Variants in XRCC1 observed in about 807,000 individuals in gnomAD.
XRCC1 encodes DNA repair protein XRCC1.
Under a neutral mutation model 83.3 loss-of-function variants are expected in XRCC1, and 52 were observed. The ratio of observed to expected loss-of-function variants is 0.62; its 90% CI spans 0.50 to 0.79. XRCC1 has a LOEUF of 0.79. Among genes scored for constraint, XRCC1 ranks in the 30% least tolerant of loss-of-function variants. The pLI is 0.00. For missense variants in XRCC1, 793 were observed against 823.5 expected (o/e 0.96, Z 0.45); for synonymous variants, 281 against 312.6 (o/e 0.90, Z 1.07).
intron 2 of XRCC1, among the ~76,000 whole-genome samples, chr19:43,569,865 G>A (rs575529211): frequency 1.3e-5 from 2 of 152,216 alleles, no homozygotes; most frequent in East Asian, 3.9e-4. Context: ...AGGGAAGCCA[G>A]ATAAGAAAAG....
chr19:43,572,436 A>T (rs969265961), intron 2 of XRCC1, among the ~76,000 whole-genome samples: 6 of 152,224 alleles, frequency 3.9e-5, no homozygotes, highest in African/African-American at 1.4e-4. Flanking sequence ...GAGGTCACCG[A>T]TTAAGAGGAA....
rs1008915150 is a variant in XRCC1 at position 43,551,699 on chromosome 19, C to A, written c.1083-12G>T. ...TGGCAAAGGCACAGCTGGTGGGGGGCAGAAGTGAAGATGCCAGTTAGGTGT... is the reference window on the plus strand; with the variant it reads ...TGGCAAAGGCACAGCTGGTGGGGGGAAGAAGTGAAGATGCCAGTTAGGTGT... On this transcript the variant is annotated splice_polypyrimidine_tract_variant and intron_variant, in intron 9 of 16. Coordinates refer to ENST00000262887, the MANE Select transcript of XRCC1 (RefSeq NM_006297.3). The A allele has an allele frequency of 6.2e-7, 1 of 1,609,280 alleles. No individual in the cohort carries two copies. Among genetic ancestry groups the A allele is most frequent in the Non-Finnish European group, 8.5e-7 (1 of 1,176,166 alleles).
In XRCC1 at chr19:43,543,467, G is replaced by C; in HGVS notation, c.1827C>G (p.Pro609=). 6.2e-7 allele frequency: 1 copy of C among 1,613,660 alleles called. No individual in the cohort carries two copies. ...TCTCATTGCAACTGTAGATCCATCG[G>C]GGACGAACGAATGCCAGGGAGGGGT... ...MDNPSLAFVR[P]RWIYSCNEKQ... Residue 609 remains proline, a synonymous_variant, in exon 17 of 17, where the codon CCC becomes CCG. Transcript: ENST00000262887.
intron 2 of XRCC1, among the ~76,000 whole-genome samples, chr19:43,573,010 G>A (rs1306221412): frequency 7.4e-6 from 1 of 135,764 alleles, no homozygotes; most frequent in Non-Finnish European, 1.5e-5. Flanking sequence ...ACAGTTCACT[G>A]CAGCTTCAAC....
At chr19:43,570,610 C>G (rs970325752) in intron 2 of XRCC1, among the ~76,000 whole-genome samples, 5 of 152,108 alleles carry the variant, frequency 3.3e-5, no homozygotes, top group African/African-American at 9.7e-5. Flanking sequence ...ATAGTGAGAC[C>G]CCATCTCTAC....
chr19:43,571,630 A>G (rs1010503254), intron 2 of XRCC1, among the ~76,000 whole-genome samples: 6 of 152,206 alleles, frequency 3.9e-5, no homozygotes, highest in African/African-American at 1.4e-4. Flanking sequence ...CAGCCTCTGG[A>G]GTAGCTGGGA....
At chr19:43,548,967 C>T (rs1179158801) in intron 10 of XRCC1, among the ~76,000 whole-genome samples, 1 of 151,980 alleles carries the variant, frequency 6.6e-6, no homozygotes, top group Non-Finnish European at 1.5e-5. Flanking sequence ...TATGCAGACA[C>T]AAATGAATGT....
At chr19:43,546,504 T>A (rs1972511945) in intron 12 of XRCC1, 91 bp downstream of exon 12, 7 of 1,427,048 alleles carry the variant, frequency 4.9e-6, no homozygotes, top group Non-Finnish European at 6.6e-6. Context: ...CCCCAGCCCC[T>A]CCTCCCTCAG....
intron 2 of XRCC1, 67 bp from the exon 3 acceptor site, chr19:43,561,087 G>A (rs750719711): frequency 5.6e-5 from 71 of 1,262,832 alleles, no homozygotes; most frequent in Non-Finnish European, 7.9e-5. Flanking sequence ...GGGACCTCAG[G>A]ATGAATCTCC....
In XRCC1 at chr19:43,552,968, T is replaced by G; in HGVS notation, c.711+14A>C. 6.2e-7 allele frequency: 1 copy of G among 1,606,554 alleles called. No individual in the cohort carries two copies. The highest frequency in any genetic ancestry group is 8.5e-7 in the Non-Finnish European group (1 of 1,176,904). ...TCTCTCCTCCTCCACCCCACCAAAG[T>G]CTGATGATTTCACCTTGGAGGTGCT... On this transcript the variant is annotated intron_variant, in intron 7 of 16. Coordinates refer to ENST00000262887, the MANE Select transcript of XRCC1 (RefSeq NM_006297.3).
Position 43,562,978 on chromosome 19 carries a change from T to TG in XRCC1, c.145-1959dup, listed in dbSNP as rs752665513. On this transcript the variant is annotated intron_variant, in intron 2 of 16. Transcript: ENST00000262887. ...AGTGGTTATGTAACTTCACAGCTGG[T>TG]GGGTGGCAAAGCCGGACCGGAACCC... Among the ~76,000 whole-genome samples, 34 of 152,280 alleles carry TG rather than the reference T, an allele frequency of 2.2e-4. 1 individual carries two copies. The highest frequency in any genetic ancestry group is 3.2e-4 in the Non-Finnish European group (22 of 68,024).
intron 3 of XRCC1, among the ~76,000 whole-genome samples, chr19:43,559,258 C>T (rs1361127864): frequency 6.6e-6 from 1 of 151,714 alleles, no homozygotes; most frequent in Non-Finnish European, 1.5e-5. Context: ...CTAAGGTGGG[C>T]AGATCACAAG....
Position 43,549,183 on chromosome 19 carries a change from TA to T in XRCC1, c.1200-2207del, listed in dbSNP as rs969874301. On this transcript the variant is annotated intron_variant, in intron 10 of 16. Transcript: ENST00000262887. ...TCTTCAAAGTGCTCTATTCAAAGATTAAAAAAAAAACTAAATTTGTGCTTAT... is the reference window on the plus strand; with the variant it reads ...TCTTCAAAGTGCTCTATTCAAAGATTAAAAAAAAACTAAATTTGTGCTTAT... Among the ~76,000 whole-genome samples, 1,443 of 149,508 alleles carry T rather than the reference TA, an allele frequency of 9.7e-3. 15 individuals are homozygous for T. The highest frequency in any genetic ancestry group is 0.033 in the African/African-American group (1,362 of 40,884).
At chr19:43,545,219 C>T (rs3213394) in intron 14 of XRCC1, among the ~76,000 whole-genome samples, 1 of 152,224 alleles carries the variant, frequency 6.6e-6, no homozygotes, top group Admixed American at 6.5e-5. Context: ...TCTGCACAGC[C>T]CGTGACTGTC....
At chr19:43,562,342 C>T (rs1482419934) in intron 2 of XRCC1, among the ~76,000 whole-genome samples, 1 of 152,088 alleles carries the variant, frequency 6.6e-6, no homozygotes, top group Non-Finnish European at 1.5e-5. Context: ...TAGGCCTGGG[C>T]TCAAATACAG....
In XRCC1 at chr19:43,570,105, T is replaced by C. The variant is rs530414386; in HGVS notation, c.144+4805A>G. ...TCTTACTTACACCTTCACTTCACTC[T>C]ATGTATGTTACACATCAAAAAACAG... is the stretch of plus-strand genomic sequence containing the variant. On this transcript the variant is annotated intron_variant, in intron 2 of 16. Coordinates refer to ENST00000262887, the MANE Select transcript of XRCC1 (RefSeq NM_006297.3). Among the ~76,000 whole-genome samples, 10 of 152,324 alleles carry C rather than the reference T, an allele frequency of 6.6e-5. No individual in the cohort carries two copies. The East Asian group carries it at 1.9e-3, about 29-fold the overall frequency.
At chr19:43,548,101 A>G (rs1325895046) in intron 10 of XRCC1, among the ~76,000 whole-genome samples, 25 of 121,158 alleles carry the variant, frequency 2.1e-4, no homozygotes, top group East Asian at 1.0e-3. Flanking sequence ...CCCATCCGGG[A>G]GGGAGGTGGG....
chr19:43,547,036 G>C (rs1972520091), intron 10 of XRCC1, 59 bp from the exon 11 acceptor site: 1 of 1,520,188 alleles, frequency 6.6e-7, no homozygotes, highest in East Asian at 2.3e-5. Context: ...AGGGCGTTCA[G>C]GAGGCAACAG....
At chr19:43,566,878 C>CA (rs76309782) in intron 2 of XRCC1, among the ~76,000 whole-genome samples, 62,057 of 98,588 alleles carry the variant, frequency 0.63, 19,654 homozygotes, top group East Asian at 0.84. Flanking sequence ...GACTCAATCT[C>CA]AAAAAAAAAA....
Sources: gnomAD v4.1 joint callset for allele counts (sites outside exome capture counted in the v4.1 genomes callset) on GRCh38, gnomAD v4.1.1 for gene constraint, MANE v1.5 for transcripts, NCBI Gene and HGNC (gene_info 2026-07-23, HGNC 2026-07-21) for gene names.